MTUS2: variants seen among roughly 807,000 people sequenced by gnomAD.
MTUS2 encodes the protein microtubule associated scaffold protein 2.
MTUS2 carries 40 observed loss-of-function variants against 114.1 expected under a neutral mutation model. The observed-to-expected ratio is 0.35, with a 90% confidence interval of 0.27 to 0.46. The LOEUF (loss-of-function observed/expected upper bound fraction) is 0.46. MTUS2 is among the 20% of genes least tolerant of loss of function. The pLI is 1.00. For missense variants in MTUS2, 1,679 were observed against 1,705.4 expected, an observed-to-expected ratio of 0.98 and a Z score of 0.27; for synonymous variants, 688 against 672.0, an observed-to-expected ratio of 1.02 and a Z score of -0.37.
intron 2 of MTUS2, among the ~76,000 whole-genome samples, chr13:29,018,808 G>T (rs1476229001): frequency 8.5e-6 from 1 of 117,406 alleles, no homozygotes; most frequent in African/African-American, 3.4e-5. Context: ...AAAAGAAAAA[G>T]AAATGTATGT....
chr13:29,344,562 T>G (rs1868478707), intron 7 of MTUS2, among the ~76,000 whole-genome samples: 1 of 152,176 alleles, frequency 6.6e-6, no homozygotes, highest in African/African-American at 2.4e-5. Context: ...TAGATGAGTC[T>G]CTTGAAGAGA....
chr13:29,259,781 GATC>G (rs1463280684), intron 5 of MTUS2, among the ~76,000 whole-genome samples: 1 of 152,218 alleles, frequency 6.6e-6, no homozygotes, highest in African/African-American at 2.4e-5. Context: ...TCAAGGAAAA[GATC>G]ATCATAAACT....
chr13:29,239,668 CAT>C (rs1222327866), intron 5 of MTUS2: 18 of 152,242 alleles, frequency 1.2e-4, no homozygotes, highest in South Asian at 4.2e-4. Flanking sequence ...TGCATACACA[CAT>C]GTGTGGGGAA....
At chr13:28,837,723 A>G (rs898873946) in intron 1 of MTUS2, among the ~76,000 whole-genome samples, 1 of 152,146 alleles carries the variant, frequency 6.6e-6, no homozygotes, top group Admixed American at 6.5e-5. Context: ...GCAGCTCTTT[A>G]TCTATGACCA....
chr13:29,436,419 T>G (rs1376470321), intron 8 of MTUS2, among the ~76,000 whole-genome samples: 1 of 152,198 alleles, frequency 6.6e-6, no homozygotes, highest in African/African-American at 2.4e-5. Context: ...GAGGAGTAAA[T>G]GACATAAAGG....
Position 29,222,958 on chromosome 13 carries a change from C to T in MTUS2, c.2645-58746C>T, listed in dbSNP as rs546874301. Among the ~76,000 whole-genome samples, 12 of 152,334 alleles carry T rather than the reference C, an allele frequency of 7.9e-5. No individual in the cohort carries two copies. In the East Asian group the frequency reaches 1.2e-3, roughly 15 times the overall value. ...GCCCCCTCTGGACTTTGGGCACCAA[C>T]GAACATGGGACAGAGGCCAAGTCAG... On this transcript the variant is annotated intron_variant, in intron 5 of 15. Coordinates refer to ENST00000612955, the MANE Select transcript of MTUS2 (RefSeq NM_001033602.4).
At chr13:28,903,919 A>G (rs1157890341) in intron 2 of MTUS2, among the ~76,000 whole-genome samples, 1 of 152,118 alleles carries the variant, frequency 6.6e-6, no homozygotes, top group Non-Finnish European at 1.5e-5. Context: ...CCTCTCCAAC[A>G]CCTGGTGTTT....
chr13:29,172,277 T>C (rs1893596601), intron 5 of MTUS2, among the ~76,000 whole-genome samples: 1 of 152,212 alleles, frequency 6.6e-6, no homozygotes, highest in Non-Finnish European at 1.5e-5. Flanking sequence ...ATGTCCAAGA[T>C]AACTTCCCCC....
At chr13:29,129,858 G>A (rs1408311834) in intron 5 of MTUS2, among the ~76,000 whole-genome samples, 1 of 152,098 alleles carries the variant, frequency 6.6e-6, no homozygotes, top group Non-Finnish European at 1.5e-5. Context: ...AGAATGGTGG[G>A]GGCAGGGTGA....
chr13:29,470,155 G>A (rs764388864), intron 9 of MTUS2, among the ~76,000 whole-genome samples: 6 of 151,982 alleles, frequency 3.9e-5, no homozygotes, highest in Admixed American at 2.0e-4. Context: ...CTACCCCACC[G>A]CACTGGGGGA....
At position 28,946,534 on chromosome 13, in the gene MTUS2, T is replaced by C. The variant is rs975313708; in HGVS notation, c.-242-77923T>C. On this transcript the variant is annotated intron_variant, in intron 2 of 15. Transcript: ENST00000612955. ...CAGATATGCCCAATAACAACAACTA[T>C]TATGTAACATCATCCTGGGGGTTCC... is the stretch of plus-strand genomic sequence containing the variant. Among the ~76,000 whole-genome samples the C allele has an allele frequency of 2.0e-5, 3 of 152,170 alleles. No individual in the cohort carries two copies. The East Asian group carries it at 5.8e-4, about 29-fold the overall frequency.
At chr13:29,013,760 G>T (rs1026123816) in intron 2 of MTUS2, among the ~76,000 whole-genome samples, 1 of 135,800 alleles carries the variant, frequency 7.4e-6, no homozygotes, top group Non-Finnish European at 1.6e-5. Flanking sequence ...CTGATACTTT[G>T]TTAAACTATC....
At position 29,052,257 on chromosome 13, in the gene MTUS2, A is replaced by G. The variant is rs556777750; in HGVS notation, c.2446+18132A>G. ...AGCACTTTGGGAGGGTGAGGCAGGCAGATCACCTGAGGTCAGGAGTTCGAG... is the reference window on the plus strand; with the variant it reads ...AGCACTTTGGGAGGGTGAGGCAGGCGGATCACCTGAGGTCAGGAGTTCGAG... On this transcript the variant is annotated intron_variant, in intron 4 of 15. Transcript: ENST00000612955. Among the ~76,000 whole-genome samples the G allele has an allele frequency of 1.1e-3, 166 of 152,194 alleles. 1 individual carries two copies. Among genetic ancestry groups the G allele is most frequent in the African/African-American group, 3.9e-3 (160 of 41,514 alleles).
chr13:29,340,291 A>G (rs1901327371), intron 7 of MTUS2, among the ~76,000 whole-genome samples: 1 of 152,162 alleles, frequency 6.6e-6, no homozygotes, highest in South Asian at 2.1e-4. Flanking sequence ...TTTGTGCCTG[A>G]CCTTTAAAGG....
intron 8 of MTUS2, among the ~76,000 whole-genome samples, chr13:29,387,487 A>C (rs1195429046): frequency 6.6e-6 from 1 of 152,186 alleles, no homozygotes; most frequent in African/African-American, 2.4e-5. Flanking sequence ...AAGCCAGTTA[A>C]GCTGTGGGGC....
chr13:29,085,648 A>G (rs1889658948), intron 4 of MTUS2, among the ~76,000 whole-genome samples: 2 of 152,168 alleles, frequency 1.3e-5, no homozygotes, highest in African/African-American at 4.8e-5. Context: ...GTAGTATTCC[A>G]TGGTGTATAT....
chr13:29,115,243 A>C (rs1238084277), intron 5 of MTUS2, among the ~76,000 whole-genome samples: 1 of 152,216 alleles, frequency 6.6e-6, no homozygotes, highest in Non-Finnish European at 1.5e-5. Context: ...GTCAATGCTA[A>C]GCTGATGTAT....
chr13:29,375,620 T>C (rs1593368147), intron 8 of MTUS2, among the ~76,000 whole-genome samples: 1 of 12,582 alleles, frequency 7.9e-5, no homozygotes, highest in African/African-American at 2.2e-4. Flanking sequence ...TATATATATA[T>C]ATATATATAT....
intron 5 of MTUS2, among the ~76,000 whole-genome samples, chr13:29,256,135 G>A (rs959794330): frequency 3.3e-5 from 5 of 152,206 alleles, no homozygotes; most frequent in Non-Finnish European, 7.3e-5. Context: ...TGGAGTATTA[G>A]CATAATACCG....
Sources: allele counts gnomAD v4.1 joint callset (sites outside exome capture counted in the v4.1 genomes callset), GRCh38; gene constraint gnomAD v4.1.1; transcripts MANE v1.5; gene names NCBI Gene and HGNC (gene_info 2026-07-23, HGNC 2026-07-21).